Variants in DAP observed in about 807,000 individuals in gnomAD.
The protein encoded by DAP is death associated protein.
DAP carries 8 observed loss-of-function variants against 13.8 expected under a neutral mutation model. That is an observed-to-expected ratio of 0.58 (90% CI 0.34 to 1.05). The LOEUF is 1.05. DAP is among the 50% of genes least tolerant of loss of function. The pLI is 0.03. For missense variants in DAP, 106 were observed against 133.2 expected, an observed-to-expected ratio of 0.80 and a Z score of 1.01; for synonymous variants, 47 against 47.5, an observed-to-expected ratio of 0.99 and a Z score of 0.04.
chr5:10,702,424 C>G (rs1738603173), intron 2 of DAP, among the ~76,000 whole-genome samples: 1 of 152,178 alleles, frequency 6.6e-6, no homozygotes, highest in Non-Finnish European at 1.5e-5. Context: ...TGTGACCCGA[C>G]AATCTGGCTG....
chr5:10,713,046 C>G (rs1364454571), intron 2 of DAP, among the ~76,000 whole-genome samples: 16 of 126,272 alleles, frequency 1.3e-4, no homozygotes, highest in Non-Finnish European at 1.7e-5. Context: ...GCCGACCAAC[C>G]AGCCAACCAA....
chr5:10,738,818 C>A (rs1468973170), intron 2 of DAP, among the ~76,000 whole-genome samples: 1 of 152,172 alleles, frequency 6.6e-6, no homozygotes, highest in Non-Finnish European at 1.5e-5. Context: ...AGTAAACACA[C>A]ACTAAAGCAT....
At chr5:10,731,439 GA>G (rs1739458082) in intron 2 of DAP, among the ~76,000 whole-genome samples, 1 of 152,166 alleles carries the variant, frequency 6.6e-6, no homozygotes, top group African/African-American at 2.4e-5. Flanking sequence ...TTTGGATCCC[GA>G]GCCCTGTGTG....
At chr5:10,689,528 T>C (rs1400133299) in intron 2 of DAP, among the ~76,000 whole-genome samples, 1 of 152,220 alleles carries the variant, frequency 6.6e-6, no homozygotes, top group Non-Finnish European at 1.5e-5. Context: ...TGACTGAATC[T>C]GCTGAGCTTT....
At position 10,694,401 on chromosome 5, in the gene DAP, CACACACACGCACAT is replaced by C. The variant is rs1449276193; in HGVS notation, c.153-10844_153-10831del. On this transcript the variant is annotated intron_variant, in intron 2 of 3. Coordinates refer to ENST00000230895, the MANE Select transcript of DAP (RefSeq NM_004394.3). The stretch of plus-strand genomic sequence containing the variant: ...ATATATGTGCATACACACACACACA[CACACACACGCACAT>C]ACACACAGCAGAAAGCAACAGATTC... Among the ~76,000 whole-genome samples the C allele has an allele frequency of 5.9e-5, 9 of 152,106 alleles. No individual in the cohort carries two copies. The South Asian group carries it at 1.9e-3, about 32-fold the overall frequency.
chr5:10,750,786 G>C (rs546426075), intron 1 of DAP, among the ~76,000 whole-genome samples: 9 of 152,194 alleles, frequency 5.9e-5, no homozygotes, highest in Admixed American at 1.3e-4. Flanking sequence ...TGTCCTGGGA[G>C]ACTTGGAGGA....
chr5:10,722,122 G>T (rs1372322284), intron 2 of DAP, among the ~76,000 whole-genome samples: 1 of 152,196 alleles, frequency 6.6e-6, no homozygotes, highest in East Asian at 1.9e-4. Flanking sequence ...GGTTAATAAT[G>T]AGTGTCGACT....
intron 2 of DAP, among the ~76,000 whole-genome samples, chr5:10,720,321 G>A (rs897193657): frequency 1.3e-5 from 2 of 152,148 alleles, no homozygotes; most frequent in Non-Finnish European, 2.9e-5. Flanking sequence ...GGCTTGATGG[G>A]TCAGAAAGCA....
intron 1 of DAP, among the ~76,000 whole-genome samples, chr5:10,756,747 T>A (rs924247109): frequency 1.3e-5 from 2 of 152,206 alleles, no homozygotes; most frequent in Non-Finnish European, 2.9e-5. Flanking sequence ...ATTTTACACA[T>A]CTCACTGCCA....
At chr5:10,760,878 C>T (rs2111411167) in intron 1 of DAP, 136 bp downstream of exon 1, 5 of 447,916 alleles carry the variant, frequency 1.1e-5, no homozygotes, top group Non-Finnish European at 1.3e-5. Context: ...GGCCCGCGCC[C>T]CTCGGGCGGG....
At chr5:10,746,329 T>G (rs909728745) in intron 2 of DAP, among the ~76,000 whole-genome samples, 70 of 134,426 alleles carry the variant, frequency 5.2e-4, no homozygotes, top group African/African-American at 2.1e-3. Flanking sequence ...AGCGTTTTTT[T>G]TTTGTTTTTT....
intron 1 of DAP, among the ~76,000 whole-genome samples, chr5:10,752,380 T>G (rs1358675628): frequency 2.6e-5 from 4 of 152,254 alleles, no homozygotes; most frequent in Non-Finnish European, 5.9e-5. Flanking sequence ...TTATTGTGAT[T>G]GTTGTATCAC....
chr5:10,704,046 G>A (rs1738643648), intron 2 of DAP, among the ~76,000 whole-genome samples: 1 of 152,336 alleles, frequency 6.6e-6, no homozygotes, highest in Admixed American at 6.5e-5. Context: ...TCAAATACCA[G>A]CCAGCCTGGT....
At chr5:10,751,467 A>G (rs569979297) in intron 1 of DAP, among the ~76,000 whole-genome samples, 2 of 152,290 alleles carry the variant, frequency 1.3e-5, no homozygotes, top group South Asian at 4.1e-4. Context: ...CTCAAGGAAG[A>G]GCTTAGAAGA....
rs534968478 is a variant in DAP at position 10,701,398 on chromosome 5, A to G, written c.153-17827T>C. 3.9e-5 allele frequency among the ~76,000 whole-genome samples: 6 copies of G among 152,290 alleles called. No homozygotes were observed. In the East Asian group the frequency reaches 1.2e-3, roughly 29 times the overall value. On this transcript the variant is annotated intron_variant, in intron 2 of 3. Coordinates refer to ENST00000230895, the MANE Select transcript of DAP (RefSeq NM_004394.3). ...GCTTTTCCTCAGCATTTGCCTCAAT[A>G]AGGAACCAATTTGAATATTTTTAAA...
At chr5:10,710,885 T>C (rs1288960406) in intron 2 of DAP, among the ~76,000 whole-genome samples, 1 of 152,124 alleles carries the variant, frequency 6.6e-6, no homozygotes. Flanking sequence ...CAGTTAGCAA[T>C]ACCAAGCTGA....
intron 1 of DAP, among the ~76,000 whole-genome samples, chr5:10,760,229 T>G (rs1440644675): frequency 6.6e-6 from 1 of 152,186 alleles, no homozygotes; most frequent in African/African-American, 2.4e-5. Flanking sequence ...ACCCAAGGCC[T>G]TTGATCTTCT....
At chr5:10,683,937 C>CT (rs1249389157) in intron 2 of DAP, among the ~76,000 whole-genome samples, 24 of 152,172 alleles carry the variant, frequency 1.6e-4, no homozygotes, top group Admixed American at 2.0e-4. Context: ...AGTGATCCTG[C>CT]TTCAGTCTCC....
chr5:10,748,792 G>A (rs569095075), intron 1 of DAP, among the ~76,000 whole-genome samples: 50 of 152,288 alleles, frequency 3.3e-4, no homozygotes, highest in African/African-American at 1.1e-3. Context: ...AAACCCTACC[G>A]CTGGCAGATG....
Sources: allele counts gnomAD v4.1 joint callset (sites outside exome capture counted in the v4.1 genomes callset), GRCh38; gene constraint gnomAD v4.1.1; transcripts MANE v1.5; gene names NCBI Gene and HGNC (gene_info 2026-07-23, HGNC 2026-07-21).